PEX7: variants seen among roughly 807,000 people sequenced by gnomAD.
PEX7 encodes PTS2 receptor.
In PEX7, 34 loss-of-function variants were observed where a neutral mutation model predicts 47.5. The ratio of observed to expected loss-of-function variants is 0.72; its 90% CI spans 0.54 to 0.95. The LOEUF (loss-of-function observed/expected upper bound fraction) is 0.95, where lower values mean the gene tolerates loss of function less well. PEX7 is among the 40% of genes least tolerant of loss of function. PEX7 has a pLI of 0.00. For synonymous variants in PEX7, 141 were observed against 148.8 expected, an observed-to-expected ratio of 0.95 and a Z score of 0.38; for missense variants, 394 against 400.3, an observed-to-expected ratio of 0.98 and a Z score of 0.13.
chr6:136,896,741 A>G (rs983885506), intron 8 of PEX7, among the ~76,000 whole-genome samples: 5 of 152,146 alleles, frequency 3.3e-5, no homozygotes, highest in African/African-American at 1.2e-4. Context: ...CATTTTGAGT[A>G]TTTTTTGGAA....
intron 8 of PEX7, among the ~76,000 whole-genome samples, chr6:136,887,489 A>G (rs191648272): frequency 2.5e-3 from 387 of 152,266 alleles, no homozygotes; most frequent in African/African-American, 8.8e-3. Context: ...TGTCACTGTA[A>G]ATATGTTCTT....
intron 3 of PEX7, among the ~76,000 whole-genome samples, chr6:136,836,774 G>C (rs1375837185): frequency 6.6e-6 from 1 of 151,964 alleles, no homozygotes; most frequent in African/African-American, 2.4e-5. Flanking sequence ...CCAACATGTT[G>C]AAACCCCATC....
chr6:136,886,815 G>A (rs1406900789), intron 8 of PEX7, among the ~76,000 whole-genome samples: 2 of 152,250 alleles, frequency 1.3e-5, no homozygotes, highest in East Asian at 1.9e-4. Flanking sequence ...CACTTTGGGA[G>A]GCCAAGGCGG....
chr6:136,886,598 T>C (rs911421989), intron 8 of PEX7, among the ~76,000 whole-genome samples: 1 of 152,204 alleles, frequency 6.6e-6, no homozygotes, highest in African/African-American at 2.4e-5. Flanking sequence ...GTTAATAACA[T>C]AATTATATTG....
chr6:136,853,665 A>G (rs1412530352), intron 5 of PEX7, among the ~76,000 whole-genome samples: 2 of 152,200 alleles, frequency 1.3e-5, no homozygotes, highest in South Asian at 2.1e-4. Flanking sequence ...CCTTCAGGTA[A>G]ATTATATACA....
chr6:136,889,406 A>G (rs958929810), intron 8 of PEX7, among the ~76,000 whole-genome samples: 2 of 152,236 alleles, frequency 1.3e-5, no homozygotes, highest in African/African-American at 4.8e-5. Context: ...TTCTTTAAGA[A>G]TGAAACCAGA....
At chr6:136,867,798 C>G (rs114208920) in intron 6 of PEX7, among the ~76,000 whole-genome samples, 1 of 131,148 alleles carries the variant, frequency 7.6e-6, no homozygotes, top group African/African-American at 2.7e-5. Context: ...ACAACAACAA[C>G]AAAAAACTTT....
At chr6:136,828,926 C>T (rs11758146) in intron 3 of PEX7, among the ~76,000 whole-genome samples, 1 of 152,142 alleles carries the variant, frequency 6.6e-6, no homozygotes, top group East Asian at 1.9e-4. Context: ...TTTCTTGAAC[C>T]GAAGACACAC....
chr6:136,841,004 TATACATTTATTTATA>T (rs1350864309), intron 3 of PEX7, among the ~76,000 whole-genome samples: 2 of 152,236 alleles, frequency 1.3e-5, no homozygotes, highest in African/African-American at 2.4e-5. Context: ...AACTTGAAAT[TATACATTTATTTATA>T]GCATGTTTGC....
chr6:136,891,698 A>T (rs1291863332), intron 8 of PEX7, among the ~76,000 whole-genome samples: 1 of 148,314 alleles, frequency 6.7e-6, no homozygotes, highest in African/African-American at 2.5e-5. Flanking sequence ...GCTCAGGCTC[A>T]CTGCAGATCA....
intron 8 of PEX7, among the ~76,000 whole-genome samples, chr6:136,889,420 G>A (rs1011523215): frequency 6.6e-6 from 1 of 152,080 alleles, no homozygotes; most frequent in African/African-American, 2.4e-5. Context: ...AACCAGATCC[G>A]TGTCTAATTC....
rs537450859 is a variant in PEX7 at position 136,884,174 on chromosome 6, C to T, written c.803+11921C>T. Among the ~76,000 whole-genome samples, 152 of 152,224 alleles carry T rather than the reference C, an allele frequency of 1.0e-3. 2 individuals carry two copies. Among genetic ancestry groups the T allele is most frequent in the African/African-American group, 3.3e-3 (138 of 41,544 alleles). Reference sequence around the variant, plus strand: ...CACATGTCGAGAATAAGACTTTAATCGTTCTAATGCCTGTGTGAGTCTAGT... The same window carrying T: ...CACATGTCGAGAATAAGACTTTAATTGTTCTAATGCCTGTGTGAGTCTAGT... On this transcript the variant is annotated intron_variant, in intron 8 of 9. Transcript: ENST00000318471.
chr6:136,837,368 A>AAAAAAAAAAAAAAAAAAAAAAAG (rs1338138222), intron 3 of PEX7, among the ~76,000 whole-genome samples: 1 of 151,338 alleles, frequency 6.6e-6, no homozygotes, highest in Non-Finnish European at 1.5e-5. Flanking sequence ...TCACAAAAAA[A>AAAAAAAAAAAAAAAAAAAAAAAG]AAAAAAAGAA....
intron 5 of PEX7, among the ~76,000 whole-genome samples, chr6:136,857,338 G>A (rs1297438953): frequency 1.3e-5 from 2 of 152,200 alleles, no homozygotes. Flanking sequence ...AGATATGGGA[G>A]TAACCATCTT....
At chr6:136,841,459 C>T (rs1774495625) in intron 3 of PEX7, among the ~76,000 whole-genome samples, 1 of 152,180 alleles carries the variant, frequency 6.6e-6, no homozygotes, top group South Asian at 2.1e-4. Flanking sequence ...TACTGTTTCA[C>T]CTCTGCTTTT....
At chr6:136,836,299 A>G (rs183329603) in intron 3 of PEX7, among the ~76,000 whole-genome samples, 1 of 152,050 alleles carries the variant, frequency 6.6e-6, no homozygotes, top group Admixed American at 6.6e-5. Flanking sequence ...TATAGTGTAT[A>G]TACATTTCAA....
In PEX7 at chr6:136,872,181, TC is replaced by T. The variant is rs1440165865; in HGVS notation, c.748-16del. Reference sequence around the variant, plus strand: ...CTGACTTCAAAAAGGGTTTTTTTTTTCTTTTTTTTTTTGTAGTTTTCACCAT... The same window carrying T: ...CTGACTTCAAAAAGGGTTTTTTTTTTTTTTTTTTTTTGTAGTTTTCACCAT... On this transcript the variant is annotated splice_polypyrimidine_tract_variant and intron_variant, in intron 7 of 9. Coordinates refer to ENST00000318471, the MANE Select transcript of PEX7 (RefSeq NM_000288.4). 63 of 1,594,174 alleles carry T rather than the reference TC, an allele frequency of 4.0e-5. No individual in the cohort carries two copies. The highest frequency in any genetic ancestry group is 3.3e-4 in the Middle Eastern group (2 of 6,018).
intron 3 of PEX7, among the ~76,000 whole-genome samples, chr6:136,828,406 T>C (rs983193188): frequency 2.0e-5 from 3 of 152,210 alleles, no homozygotes; most frequent in African/African-American, 7.2e-5. Flanking sequence ...AGATAACTTA[T>C]TTGACTTTTA....
Position 136,846,062 on chromosome 6 carries a change from T to C in PEX7, c.418-11T>C. Reference sequence around the variant, plus strand: ...ATCCCTCAAGTAATTGATCTATTCATTTATTTGTAGTGGGATCCAACTGTT... The same window carrying C: ...ATCCCTCAAGTAATTGATCTATTCACTTATTTGTAGTGGGATCCAACTGTT... On this transcript the variant is annotated splice_polypyrimidine_tract_variant and intron_variant, in intron 4 of 9. Transcript: ENST00000318471. 5 of 1,544,380 alleles carry C rather than the reference T, an allele frequency of 3.2e-6. No homozygotes were observed. Among genetic ancestry groups the C allele is most frequent in the Non-Finnish European group, 4.5e-6 (5 of 1,116,668 alleles).
Sources: allele counts gnomAD v4.1 joint callset (sites outside exome capture counted in the v4.1 genomes callset), GRCh38; gene constraint gnomAD v4.1.1; transcripts MANE v1.5; gene names NCBI Gene and HGNC (gene_info 2026-07-23, HGNC 2026-07-21).